Variants in ABHD2 observed in about 807,000 individuals in gnomAD.
ABHD2 encodes abhydrolase domain containing 2, acylglycerol lipase.
ABHD2 carries 20 observed loss-of-function variants against 48.1 expected under a neutral mutation model. The ratio of observed to expected loss-of-function variants is 0.42; its 90% CI spans 0.29 to 0.60. ABHD2 has a LOEUF of 0.60. Ranked by LOEUF, ABHD2 falls within the 20% of genes least tolerant of loss-of-function variation. ABHD2 has a pLI of 0.24. For missense variants in ABHD2, 405 were observed against 550.9 expected (o/e 0.74, Z 2.65); for synonymous variants, 209 against 214.2 (o/e 0.98, Z 0.21).
chr15:89,051,785 CT>C, the ABHD2 span, among the ~76,000 whole-genome samples: 1 of 152,302 alleles, frequency 6.6e-6, no homozygotes, highest in East Asian at 1.9e-4. Flanking sequence ...CCATCTGGAA[CT>C]GTGAGTCAAT....
At chr15:89,162,248 C>G (rs950439680) in intron 5 of ABHD2, among the ~76,000 whole-genome samples, 1 of 152,202 alleles carries the variant, frequency 6.6e-6, no homozygotes, top group Non-Finnish European at 1.5e-5. Flanking sequence ...CAGTACTCCT[C>G]AAGAGCAATT....
At chr15:89,110,904 A>G (rs1399454339) in intron 1 of ABHD2, among the ~76,000 whole-genome samples, 1 of 152,222 alleles carries the variant, frequency 6.6e-6, no homozygotes, top group Non-Finnish European at 1.5e-5. Context: ...AGGTCCCCTT[A>G]CATAAAGTCC....
rs1179981053 is a variant in ABHD2, at chr15:89,091,896, A to G, written c.-107+3333A>G. Among the ~76,000 whole-genome samples the G allele has an allele frequency of 1.3e-5, 2 of 152,194 alleles. No homozygotes were observed. Among genetic ancestry groups the G allele is most frequent in the African/African-American group, 2.4e-5 (1 of 41,438 alleles). ...GCTAAGCTATCCCCAGGAACAGAGCAATGAGAAGTTCAGGGTGCCTCTTAA... is the reference window on the plus strand; with the variant it reads ...GCTAAGCTATCCCCAGGAACAGAGCGATGAGAAGTTCAGGGTGCCTCTTAA... On this transcript the variant is annotated intron_variant, in intron 1 of 10. Coordinates refer to ENST00000352732, the MANE Select transcript of ABHD2 (RefSeq NM_152924.5). This position sits in a 1 kb window ranked among gnomAD's most constrained non-coding sequence, Gnocchi z 5.5.
In ABHD2 at chr15:89,116,667, G is replaced by A. The variant is rs1393120097; in HGVS notation, c.194+146G>A. ...GTGTTAAAATAGCCACAGTCTGATT[G>A]CAGTCTAGTGTTTGAATCCTGGAGG... On this transcript the variant is annotated intron_variant, in intron 3 of 10. Coordinates refer to ENST00000352732, the MANE Select transcript of ABHD2 (RefSeq NM_152924.5). This position sits in a 1 kb window ranked among gnomAD's most constrained non-coding sequence, Gnocchi z 4.6. The A allele has an allele frequency of 9.5e-6, 8 of 842,210 alleles. No individual in the cohort carries two copies. The East Asian group carries it at 2.1e-4, about 23-fold the overall frequency. The allele number at this position is 842,210 out of a possible 1,614,324, so 52.2% of individuals were successfully genotyped here. A position where few individuals can be genotyped will look rare whatever the true frequency, so the allele number is the denominator to read the frequency against.
chr15:89,117,005 C>G (rs570459242), intron 3 of ABHD2, among the ~76,000 whole-genome samples: 2 of 152,232 alleles, frequency 1.3e-5, no homozygotes, highest in Admixed American at 6.5e-5. Flanking sequence ...TATGAGTGAA[C>G]CAGGTTTCCC....
At chr15:89,078,232 T>C in the ABHD2 span, among the ~76,000 whole-genome samples, 597 of 152,330 alleles carry the variant, frequency 3.9e-3, 5 homozygotes, top group East Asian at 0.049. Context: ...CAATAACCTG[T>C]TATCTCTTCT....
the ABHD2 span, among the ~76,000 whole-genome samples, chr15:89,061,218 G>T: frequency 6.6e-6 from 1 of 152,110 alleles, no homozygotes; most frequent in South Asian, 2.1e-4. Context: ...AGGAGTTTGA[G>T]ACCAGCCTGG....
chr15:89,053,090 C>A, the ABHD2 span, among the ~76,000 whole-genome samples: 1 of 152,002 alleles, frequency 6.6e-6, no homozygotes, highest in African/African-American at 2.4e-5. Flanking sequence ...GCCTCCACCC[C>A]CGAGTAGCTG....
At chr15:89,069,965 C>T in the ABHD2 span, 12 of 152,232 alleles carry the variant, frequency 7.9e-5, no homozygotes. Flanking sequence ...TAGGCATGAG[C>T]CACCATGCCC....
rs1412070891 is a variant in ABHD2 at position 89,116,055 on chromosome 15, C to T, written c.-6-267C>T. ...GCATTTTTCAATTTTCTGATTTGCTCATCTTAGAAATGCTTGTGAAATTAT... is the reference window on the plus strand; with the variant it reads ...GCATTTTTCAATTTTCTGATTTGCTTATCTTAGAAATGCTTGTGAAATTAT... On this transcript the variant is annotated intron_variant, in intron 2 of 10. Coordinates refer to ENST00000352732, the MANE Select transcript of ABHD2 (RefSeq NM_152924.5). The surrounding 1 kb of genome is among the most constrained non-coding windows in gnomAD (Gnocchi z 4.6). Among the ~76,000 whole-genome samples the T allele has an allele frequency of 6.6e-6, 1 of 152,228 alleles. No individual in the cohort carries two copies. Among genetic ancestry groups the T allele is most frequent in the Non-Finnish European group, 1.5e-5 (1 of 68,036 alleles).
At chr15:89,140,213 T>G (rs2050380197) in intron 3 of ABHD2, among the ~76,000 whole-genome samples, 2 of 152,222 alleles carry the variant, frequency 1.3e-5, no homozygotes, top group Non-Finnish European at 2.9e-5. Context: ...TTAGCAGTTC[T>G]TTTCCTCAAG....
chr15:89,112,949 G>A (rs184432177), intron 1 of ABHD2, among the ~76,000 whole-genome samples: 14 of 152,326 alleles, frequency 9.2e-5, no homozygotes, highest in Non-Finnish European at 4.4e-5. Flanking sequence ...GGTACAGGAA[G>A]GATTAAATGA....
At chr15:89,080,659 G>A in the ABHD2 span, among the ~76,000 whole-genome samples, 1 of 151,324 alleles carries the variant, frequency 6.6e-6, no homozygotes, top group Non-Finnish European at 1.5e-5. Context: ...CAGGCTGACA[G>A]CTTAACAAAG....
rs1358856586 is a variant in ABHD2 at position 89,088,876 on chromosome 15, G to A, written c.-107+313G>A. ...TTGGTGCTCACTCCTGGGTCTTCAGGGGCCTGGGGAGGGGTCTGCCGGTTC... is the reference window on the plus strand; with the variant it reads ...TTGGTGCTCACTCCTGGGTCTTCAGAGGCCTGGGGAGGGGTCTGCCGGTTC... On this transcript the variant is annotated intron_variant, in intron 1 of 10. Coordinates refer to ENST00000352732, the MANE Select transcript of ABHD2 (RefSeq NM_152924.5). This position sits in a 1 kb window ranked among gnomAD's most constrained non-coding sequence, Gnocchi z 6.8. Among the ~76,000 whole-genome samples the A allele has an allele frequency of 2.6e-5, 4 of 152,234 alleles. No homozygotes were observed. Among genetic ancestry groups the A allele is most frequent in the African/African-American group, 9.6e-5 (4 of 41,476 alleles).
the ABHD2 span, chr15:89,082,345 A>G: frequency 6.6e-6 from 1 of 152,216 alleles, no homozygotes; most frequent in African/African-American, 2.4e-5. This position sits in a 1 kb window ranked among gnomAD's most constrained non-coding sequence, Gnocchi z 4.4. Context: ...CCAAATACCC[A>G]AGGGGCTGAG....
Position 89,189,611 on chromosome 15 carries a change from G to A in ABHD2, c.926+1308G>A, listed in dbSNP as rs574699800. 6.6e-6 allele frequency among the ~76,000 whole-genome samples: 1 copy of A among 152,312 alleles called. No homozygotes were observed. Among genetic ancestry groups the A allele is most frequent in the South Asian group, 2.1e-4 (1 of 4,834 alleles). On this transcript the variant is annotated intron_variant, in intron 8 of 10. Transcript: ENST00000352732. This position sits in a 1 kb window ranked among gnomAD's most constrained non-coding sequence, Gnocchi z 4.9. The stretch of plus-strand genomic sequence containing the variant: ...CCTAAGGGTATAGGATCTCTGCTTT[G>A]CTTCCTTATGAGATTTTAGTAGCCT...
At chr15:89,171,763 C>T (rs2050932068) in intron 5 of ABHD2, among the ~76,000 whole-genome samples, 2 of 152,144 alleles carry the variant, frequency 1.3e-5, no homozygotes, top group South Asian at 2.1e-4. Flanking sequence ...AATGCCTTCT[C>T]GCATTGGTCT....
the ABHD2 span, among the ~76,000 whole-genome samples, chr15:89,059,026 A>T: frequency 6.6e-6 from 1 of 152,176 alleles, no homozygotes; most frequent in African/African-American, 2.4e-5. Flanking sequence ...TGAAAAATTC[A>T]TGAAGGAAGA....
At chr15:89,157,694 G>A (rs930061752) in intron 5 of ABHD2, among the ~76,000 whole-genome samples, 1 of 151,814 alleles carries the variant, frequency 6.6e-6, no homozygotes, top group Non-Finnish European at 1.5e-5. Context: ...ATACGAAAAA[G>A]TAGCCGGGCG....
Sources: gnomAD v4.1 joint callset for allele counts (sites outside exome capture counted in the v4.1 genomes callset) on GRCh38, gnomAD v4.1.1 for gene constraint, Gnocchi (gnomAD v3.1) non-coding constraint, MANE v1.5 for transcripts, NCBI Gene and HGNC (gene_info 2026-07-23, HGNC 2026-07-21) for gene names.